The following BCAT2 variants were observed in gnomAD, a reference collection of about 807,000 sequenced individuals.
BCAT2 encodes branched-chain-amino-acid aminotransferase, mitochondrial.
A neutral mutation model predicts 52.9 loss-of-function variants in BCAT2; 44 were observed. The ratio of observed to expected loss-of-function variants is 0.83; its 90% CI spans 0.65 to 1.07. BCAT2 has a LOEUF of 1.07. BCAT2 is among the 50% of genes least tolerant of loss of function. The probability of loss-of-function intolerance (pLI) is 0.00; values close to 1 mark genes in which losing one functional copy is unlikely to be tolerated. For missense variants in BCAT2, 478 were observed against 521.8 expected, an observed-to-expected ratio of 0.92 and a Z score of 0.82; for synonymous variants, 215 against 217.1, an observed-to-expected ratio of 0.99 and a Z score of 0.08.
At chr19:48,802,862 C>A (rs1379734020) in intron 3 of BCAT2, among the ~76,000 whole-genome samples, 1 of 152,126 alleles carries the variant, frequency 6.6e-6, no homozygotes, top group Non-Finnish European at 1.5e-5. Context: ...CATGAGGCTG[C>A]AAGAAAGATG....
At chr19:48,796,327 G>T in intron 10 of BCAT2, 101 bp downstream of exon 10, 1 of 1,415,146 alleles carries the variant, frequency 7.1e-7, no homozygotes, top group Non-Finnish European at 9.9e-7. Context: ...TCTGTTCCTG[G>T]TACTACTGAA....
rs1290152602 is a variant in BCAT2 at position 48,797,213 on chromosome 19, G to T, written c.816C>A (p.Val272=). The stretch of plus-strand genomic sequence containing the variant: ...TACCCCCATCTTCGTGGGTCCAGTA[G>T]ACAAAGATGTTCATGGTTCCCACCT... ...LTEVGTMNIF[V]YWTHEDGVLE... Residue 272 remains valine, a synonymous_variant, in exon 7 of 11, where the codon GTC becomes GTA. Coordinates refer to ENST00000316273, the MANE Select transcript of BCAT2 (RefSeq NM_001190.4). 6.2e-7 allele frequency: 1 copy of T among 1,613,774 alleles called. No individual in the cohort carries two copies. Among genetic ancestry groups the T allele is most frequent in the Non-Finnish European group, 8.5e-7 (1 of 1,179,894 alleles).
intron 1 of BCAT2, chr19:48,808,001 G>A: frequency 5.1e-6 from 5 of 986,332 alleles, no homozygotes; most frequent in Non-Finnish European, 6.0e-6. Context: ...GTGAGGTTGA[G>A]AGAGACAGAG....
Position 48,800,230 on chromosome 19 carries a change from T to C in BCAT2, c.368A>G (p.Asn123Ser). The change falls in exon 4 of 11, where the codon AAC (asparagine) becomes AGC (serine). Residue 123 changes from asparagine to serine, a missense_variant. Transcript: ENST00000316273. ...GGCTGAGCGCAGCATCCGGTCCATG[T>C]TGAGCCAGGGGCGGAAGAGGCGCAC... ...QQVRLFRPWL[N>S]MDRMLRSAMR... is the part of the protein sequence containing the mutation. 1 of 1,613,868 alleles carries C rather than the reference T, an allele frequency of 6.2e-7. No homozygotes were observed.
chr19:48,800,004 G>A lies in BCAT2; in HGVS notation c.508C>T (p.Arg170Trp), dbSNP rs1436813338. ...ACCTCGTTCCCAATGAGCACAGGCC[G>A]CACATAGAGGCTGGTGCCGGCGGCA... ...PDAAGTSLYV[R>W]PVLIGNEPSL... is the part of the protein sequence containing the mutation. The change falls in exon 5 of 11, where the codon CGG becomes TGG. Residue 170 changes from arginine (R) to tryptophan (W), a missense_variant. Transcript: ENST00000316273. 4 of 1,613,736 alleles carry A rather than the reference G, an allele frequency of 2.5e-6. No homozygotes were observed. Among genetic ancestry groups the A allele is most frequent in the East Asian group, 2.2e-5 (1 of 44,880 alleles).
At chr19:48,810,732 T>A in intron 1 of BCAT2, 1 of 1,069,808 alleles carries the variant, frequency 9.3e-7, no homozygotes, top group Non-Finnish European at 1.2e-6. Context: ...TCCACCATGT[T>A]TCCCTTTTTT....
intron 8 of BCAT2, 108 bp downstream of exon 8, chr19:48,796,829 A>C: frequency 1.3e-6 from 2 of 1,592,608 alleles, no homozygotes; most frequent in Non-Finnish European, 1.7e-6. Flanking sequence ...CGGGAGAGAC[A>C]GACCCAGGAG....
chr19:48,806,920 G>T, intron 2 of BCAT2, 80 bp downstream of exon 2: 1 of 1,519,994 alleles, frequency 6.6e-7, no homozygotes, highest in Non-Finnish European at 9.1e-7. Context: ...TCTCTGGGCT[G>T]TGGACCTTTT....
rs578005982 is a variant in BCAT2, at chr19:48,808,415, A to G, written c.25-1341T>C. ...CGCACAAACAGAAAAAAAAAAAAACAAAAACAGAAATTGACGCCAAGAAAC... is the reference window on the plus strand; with the variant it reads ...CGCACAAACAGAAAAAAAAAAAAACGAAAACAGAAATTGACGCCAAGAAAC... On this transcript the variant is annotated intron_variant, in intron 1 of 10. Transcript: ENST00000316273. 17 of 305,738 alleles carry G rather than the reference A, an allele frequency of 5.6e-5. No homozygotes were observed. The South Asian group carries it at 2.1e-3, about 37-fold the overall frequency. 18.9% of individuals were successfully genotyped at this position (305,738 alleles called of 1,614,324 possible).
At chr19:48,805,411 G>A (rs1200985100) in intron 3 of BCAT2, among the ~76,000 whole-genome samples, 6 of 150,752 alleles carry the variant, frequency 4.0e-5, no homozygotes, top group Non-Finnish European at 7.4e-5. Flanking sequence ...ACATGGCCCT[G>A]CCCCTCCCTT....
At chr19:48,796,088 T>A in intron 10 of BCAT2, 1 of 456,690 alleles carries the variant, frequency 2.2e-6, no homozygotes, top group Non-Finnish European at 3.9e-6. Flanking sequence ...AGGGAGGGAG[T>A]TTCTCCCACC....
At chr19:48,802,985 A>T (rs34860510) in intron 3 of BCAT2, among the ~76,000 whole-genome samples, 6,903 of 152,288 alleles carry the variant, frequency 0.045, 173 homozygotes, top group Middle Eastern at 0.082. Flanking sequence ...GCTTGAAGCC[A>T]GGAGTTCGAG....
intron 3 of BCAT2, among the ~76,000 whole-genome samples, chr19:48,806,255 C>T (rs1321335811): frequency 6.6e-6 from 1 of 150,720 alleles, no homozygotes; most frequent in East Asian, 2.0e-4. Flanking sequence ...CTCCACAGGG[C>T]CTCCATCAGA....
rs2034910871 is a variant in BCAT2, at chr19:48,810,984, C to T, written c.24G>A (p.Gln8=). MAAAALG[Q]IWARKLLSVP... is the part of the protein sequence containing the mutation. ...CCCCGGCGCGGGGCTGCGAACCCAC[C>T]TGCCCCAGAGCGGCTGCGGCCATGA... is the stretch of plus-strand genomic sequence containing the variant. The change falls in exon 1 of 11, where the codon CAG becomes CAA. Residue 8 remains glutamine (Q), a splice_region_variant and synonymous_variant. Transcript: ENST00000316273. 4 of 1,608,534 alleles carry T rather than the reference C, an allele frequency of 2.5e-6. No individual in the cohort carries two copies. Among genetic ancestry groups the T allele is most frequent in the African/African-American group, 1.3e-5 (1 of 74,468 alleles).
intron 1 of BCAT2, chr19:48,808,374 G>C (rs2034840266): frequency 8.3e-6 from 4 of 482,912 alleles, no homozygotes; most frequent in Non-Finnish European, 1.1e-5. Flanking sequence ...ATGAGAAAAA[G>C]AAACACAGAA....
Position 48,799,599 on chromosome 19 carries a change from C to G in BCAT2, c.695+76G>C. 3 of 1,456,848 alleles carry G rather than the reference C, an allele frequency of 2.1e-6. No individual in the cohort carries two copies. Among genetic ancestry groups the G allele is most frequent in the Non-Finnish European group, 2.7e-6 (3 of 1,101,302 alleles). The allele number at this position is 1,456,848 out of a possible 1,614,324, so 90.2% of individuals were successfully genotyped here. On this transcript the variant is annotated intron_variant, in intron 6 of 10. Transcript: ENST00000316273. The surrounding 1 kb of genome is among the most constrained non-coding windows in gnomAD (Gnocchi z 5.5). ...TTCATGTGACATCCAGAGGCATGGCCGAAAGCACGCACGCTGGTCCCTGTG... is the reference window on the plus strand; with the variant it reads ...TTCATGTGACATCCAGAGGCATGGCGGAAAGCACGCACGCTGGTCCCTGTG...
In BCAT2 at chr19:48,795,483, A is replaced by G; in HGVS notation, c.1141-19T>C. 1 of 1,613,692 alleles carries G rather than the reference A, an allele frequency of 6.2e-7. No individual in the cohort carries two copies. The highest frequency in any genetic ancestry group is 1.1e-5 in the South Asian group (1 of 91,014). On this transcript the variant is annotated intron_variant, in intron 10 of 10. Transcript: ENST00000316273. The stretch of plus-strand genomic sequence containing the variant: ...TTCCGTACTGCGGAACAACGGAGGC[A>G]GTGCGTGAGGTGGAAGCTGCACTAC...
At chr19:48,810,145 C>G (rs2034887236) in intron 1 of BCAT2, among the ~76,000 whole-genome samples, 1 of 152,120 alleles carries the variant, frequency 6.6e-6, no homozygotes, top group Admixed American at 6.6e-5. Flanking sequence ...CAGGACTATC[C>G]CTATCAGTCA....
In BCAT2 at chr19:48,806,997, C is replaced by T; in HGVS notation, c.99+3G>A. 2.5e-6 allele frequency: 4 copies of T among 1,613,688 alleles called. No individual in the cohort carries two copies. Among genetic ancestry groups the T allele is most frequent in the Non-Finnish European group, 3.4e-6 (4 of 1,179,644 alleles). ...AGCCAAGCATCGAGTTCCCTCCTTT[C>T]ACCTTGAAACTGGAGGAGGCATATC... On this transcript the variant is annotated splice_donor_region_variant and intron_variant, in intron 2 of 10. Transcript: ENST00000316273.
Sources: gnomAD v4.1 joint callset for allele counts (sites outside exome capture counted in the v4.1 genomes callset) on GRCh38, gnomAD v4.1.1 for gene constraint, Gnocchi (gnomAD v3.1) non-coding constraint, MANE v1.5 for transcripts, NCBI Gene and HGNC (gene_info 2026-07-23, HGNC 2026-07-21) for gene names.